Variants in LARP4B observed in about 807,000 individuals in gnomAD.
LARP4B encodes la-related protein 4B.
Under a neutral mutation model 89.8 loss-of-function variants are expected in LARP4B, and 12 were observed. The observed-to-expected ratio is 0.13, with a 90% CI of 0.09 to 0.22. LARP4B has a LOEUF of 0.22. Among genes scored for constraint, LARP4B ranks in the 10% least tolerant of loss-of-function variants. The pLI is 1.00. For synonymous variants in LARP4B, 367 were observed against 363.3 expected (o/e 1.01, Z -0.12); for missense variants, 757 against 947.7 (o/e 0.80, Z 2.64).
chr10:879,659 G>A (rs1330697887), intron 3 of LARP4B, among the ~76,000 whole-genome samples: 1 of 152,112 alleles, frequency 6.6e-6, no homozygotes, highest in African/African-American at 2.4e-5. Context: ...CACCATGCCT[G>A]TTCTTTTTTG....
chr10:923,282 G>A (rs1837037846), intron 1 of LARP4B, among the ~76,000 whole-genome samples: 1 of 152,144 alleles, frequency 6.6e-6, no homozygotes, highest in African/African-American at 2.4e-5. Context: ...GGGACTTCAA[G>A]TCTACTTTTA....
chr10:870,696 A>G (rs1835157209), intron 3 of LARP4B, among the ~76,000 whole-genome samples: 1 of 152,144 alleles, frequency 6.6e-6, no homozygotes, highest in Non-Finnish European at 1.5e-5. Flanking sequence ...TCTTTCTCCA[A>G]ATAAAGTCTC....
intron 5 of LARP4B, among the ~76,000 whole-genome samples, chr10:857,578 T>C (rs1834368950): frequency 6.6e-6 from 1 of 152,178 alleles, no homozygotes; most frequent in Non-Finnish European, 1.5e-5. Flanking sequence ...TCGGATCAGG[T>C]CGGGTGGCCG....
At chr10:889,502 G>A (rs1397788849) in intron 1 of LARP4B, among the ~76,000 whole-genome samples, 4 of 152,206 alleles carry the variant, frequency 2.6e-5, no homozygotes, top group African/African-American at 7.2e-5. Flanking sequence ...TGGAGAGAAC[G>A]TGCCAACTCC....
chr10:949,080 G>A, the LARP4B span, among the ~76,000 whole-genome samples: 1 of 152,242 alleles, frequency 6.6e-6, no homozygotes, highest in African/African-American at 2.4e-5. Context: ...CTGCCAACCC[G>A]TTTTCCAGGT....
At chr10:930,828 C>T (rs1254685391) in intron 1 of LARP4B, among the ~76,000 whole-genome samples, 1 of 152,152 alleles carries the variant, frequency 6.6e-6, no homozygotes. Flanking sequence ...ATGCGATGCC[C>T]TGATGACCCG....
chr10:915,832 CAA>C (rs71297915), intron 1 of LARP4B, among the ~76,000 whole-genome samples: 22 of 75,106 alleles, frequency 2.9e-4, no homozygotes, highest in Admixed American at 2.9e-4. Flanking sequence ...GACTCCGCCT[CAA>C]AAAAAAAAAA....
At chr10:894,031 A>G (rs991022833) in intron 1 of LARP4B, among the ~76,000 whole-genome samples, 6 of 152,234 alleles carry the variant, frequency 3.9e-5, no homozygotes, top group Non-Finnish European at 5.9e-5. Flanking sequence ...GAATGACAGG[A>G]TCGGAAAAAT....
intron 1 of LARP4B, chr10:924,434 C>A (rs1837079002): frequency 6.6e-6 from 1 of 152,232 alleles, no homozygotes; most frequent in Non-Finnish European, 1.5e-5. Flanking sequence ...CCACACGACT[C>A]TGCAAAGCAG....
At chr10:869,263 T>G (rs1038444236) in intron 3 of LARP4B, among the ~76,000 whole-genome samples, 1 of 152,206 alleles carries the variant, frequency 6.6e-6, no homozygotes. Flanking sequence ...TCTTCTGCAG[T>G]GTGACTTATA....
intron 3 of LARP4B, chr10:873,557 C>A (rs1262106872): frequency 6.6e-6 from 2 of 304,804 alleles, no homozygotes; most frequent in African/African-American, 2.3e-5. Flanking sequence ...TAAAATAGTT[C>A]ATAAATTCCC....
chr10:966,192 C>T, the LARP4B span, among the ~76,000 whole-genome samples: 1 of 152,036 alleles, frequency 6.6e-6, no homozygotes, highest in Non-Finnish European at 1.5e-5. Flanking sequence ...TGGTGGCTCA[C>T]ATCTGTGATT....
At chr10:813,292 TAA>T (rs2131589045) in intron 17 of LARP4B, 79 bp from the exon 18 acceptor site, 1 of 1,402,286 alleles carries the variant, frequency 7.1e-7, no homozygotes, top group South Asian at 1.5e-5. Flanking sequence ...TCACTTAAGA[TAA>T]AAGAGTTTTC....
intron 5 of LARP4B, among the ~76,000 whole-genome samples, chr10:851,261 G>T (rs34487581): frequency 6.9e-6 from 1 of 144,546 alleles, no homozygotes; most frequent in Non-Finnish European, 1.5e-5. Context: ...CTGGCTCACT[G>T]CAACCTACGT....
chr10:918,858 C>T (rs771138547), intron 1 of LARP4B, among the ~76,000 whole-genome samples: 4 of 151,932 alleles, frequency 2.6e-5, no homozygotes, highest in Non-Finnish European at 1.5e-5. Flanking sequence ...GGGTGGATCA[C>T]GAGGTCAGGA....
intron 3 of LARP4B, among the ~76,000 whole-genome samples, chr10:877,455 T>C (rs1835503360): frequency 6.6e-6 from 1 of 152,188 alleles, no homozygotes; most frequent in Non-Finnish European, 1.5e-5. Context: ...TTCCTTCTGG[T>C]TTCTCTTTTT....
At chr10:830,539 G>A (rs183951939) in intron 9 of LARP4B, among the ~76,000 whole-genome samples, 1 of 152,128 alleles carries the variant, frequency 6.6e-6, no homozygotes, top group Non-Finnish European at 1.5e-5. Context: ...AAGTCTGCTG[G>A]GAGATGAAGA....
chr10:960,978 C>A, the LARP4B span, among the ~76,000 whole-genome samples: 1 of 152,134 alleles, frequency 6.6e-6, no homozygotes, highest in Non-Finnish European at 1.5e-5. Context: ...CCCAGAGAGG[C>A]AGAACACAGA....
At chr10:922,767 T>C (rs1009660550) in intron 1 of LARP4B, among the ~76,000 whole-genome samples, 9 of 151,930 alleles carry the variant, frequency 5.9e-5, no homozygotes, top group African/African-American at 1.2e-4. Flanking sequence ...ATATGGAACA[T>C]AGAACTTAAA....
Sources: allele counts gnomAD v4.1 joint callset (sites outside exome capture counted in the v4.1 genomes callset), GRCh38; gene constraint gnomAD v4.1.1; transcripts MANE v1.5; gene names NCBI Gene and HGNC (gene_info 2026-07-23, HGNC 2026-07-21).